The following DNM3 variants were observed in gnomAD, a reference collection of about 807,000 sequenced individuals.
DNM3 encodes the protein dynamin-3.
Under a neutral mutation model 101.6 loss-of-function variants are expected in DNM3, and 47 were observed. That is an observed-to-expected ratio of 0.46 (90% CI 0.37 to 0.59). The LOEUF is 0.59. DNM3 is among the 20% of genes least tolerant of loss of function. DNM3 has a pLI of 0.00. For missense variants in DNM3, 849 were observed against 1,085.7 expected, an observed-to-expected ratio of 0.78 and a Z score of 3.06; for synonymous variants, 385 against 387.9, an observed-to-expected ratio of 0.99 and a Z score of 0.09.
chr1:172,066,639 G>T (rs2051691118), intron 10 of DNM3, among the ~76,000 whole-genome samples: 1 of 152,168 alleles, frequency 6.6e-6, no homozygotes. Context: ...TTGGAGGAAA[G>T]AAATATCCAA....
At chr1:172,244,620 G>C (rs2061878998) in intron 14 of DNM3, among the ~76,000 whole-genome samples, 1 of 152,134 alleles carries the variant, frequency 6.6e-6, no homozygotes, top group South Asian at 2.1e-4. Flanking sequence ...ATCATCACTG[G>C]CCATCAGAGA....
At chr1:172,091,758 A>G (rs1355056447) in intron 12 of DNM3, among the ~76,000 whole-genome samples, 1 of 152,158 alleles carries the variant, frequency 6.6e-6, no homozygotes, top group Admixed American at 6.5e-5. Context: ...CGAGCAGAAG[A>G]GTTAACATAG....
chr1:171,982,662 T>TTG (rs3051606), intron 2 of DNM3, among the ~76,000 whole-genome samples: 107,095 of 148,768 alleles, frequency 0.72, 38,690 homozygotes, highest in Middle Eastern at 0.84. Flanking sequence ...ATGTGTGTGT[T>TTG]TGTGTGTGTG....
At chr1:172,231,883 A>G (rs1407362610) in intron 14 of DNM3, among the ~76,000 whole-genome samples, 2 of 152,190 alleles carry the variant, frequency 1.3e-5, no homozygotes, top group Non-Finnish European at 2.9e-5. Flanking sequence ...CGAGAAGAGA[A>G]GTTTAGAGAA....
chr1:172,141,924 T>C (rs1214425928), intron 14 of DNM3, among the ~76,000 whole-genome samples: 1 of 152,062 alleles, frequency 6.6e-6, no homozygotes, highest in Non-Finnish European at 1.5e-5. Context: ...CCTTTTCCAG[T>C]TAAGAAATTG....
intron 17 of DNM3, among the ~76,000 whole-genome samples, chr1:172,365,365 G>T (rs2067959253): frequency 6.6e-6 from 1 of 151,768 alleles, no homozygotes; most frequent in South Asian, 2.1e-4. Flanking sequence ...AGATTAATTT[G>T]TACTATTCTT....
chr1:171,940,034 T>G (rs1045025994), intron 2 of DNM3, among the ~76,000 whole-genome samples: 36 of 152,184 alleles, frequency 2.4e-4, no homozygotes, highest in Admixed American at 6.5e-5. Flanking sequence ...GGACAGGTTA[T>G]TTCATTTATT....
chr1:171,861,603 G>T (rs1341701485), intron 1 of DNM3, among the ~76,000 whole-genome samples: 1 of 152,070 alleles, frequency 6.6e-6, no homozygotes, highest in Non-Finnish European at 1.5e-5. Context: ...ATGGATCAAA[G>T]ACCTAAATGT....
At chr1:172,242,811 G>A (rs1557871280) in intron 14 of DNM3, among the ~76,000 whole-genome samples, 1 of 152,096 alleles carries the variant, frequency 6.6e-6, no homozygotes, top group Non-Finnish European at 1.5e-5. Context: ...CCATACCCAC[G>A]CATGTGGGTA....
intron 10 of DNM3, among the ~76,000 whole-genome samples, chr1:172,062,178 G>GT (rs1173812673): frequency 1.3e-5 from 2 of 152,050 alleles, no homozygotes; most frequent in South Asian, 2.1e-4. Context: ...CTGTTGTGAA[G>GT]TTTTTTTCCA....
intron 15 of DNM3, among the ~76,000 whole-genome samples, chr1:172,307,163 AC>A (rs2064860470): frequency 6.6e-6 from 1 of 152,238 alleles, no homozygotes; most frequent in Non-Finnish European, 1.5e-5. Flanking sequence ...TCTACAAAGA[AC>A]TTAAACAAAT....
chr1:172,139,091 G>T (rs1298912990), intron 14 of DNM3: 9 of 341,360 alleles, frequency 2.6e-5, no homozygotes, highest in Non-Finnish European at 5.2e-5. Flanking sequence ...TTATACATTT[G>T]TTCCAAATGT....
At chr1:172,333,868 T>C (rs1309656332) in intron 17 of DNM3, among the ~76,000 whole-genome samples, 1 of 152,154 alleles carries the variant, frequency 6.6e-6, no homozygotes, top group Non-Finnish European at 1.5e-5. Context: ...CAACATAAAA[T>C]ATTATTGACT....
intron 12 of DNM3, among the ~76,000 whole-genome samples, chr1:172,092,000 G>A (rs2053942041): frequency 6.6e-6 from 1 of 152,158 alleles, no homozygotes; most frequent in Non-Finnish European, 1.5e-5. Flanking sequence ...GAGAGAAAGA[G>A]GAGACAAAGA....
chr1:171,917,368 A>G (rs1021172156), intron 1 of DNM3, among the ~76,000 whole-genome samples: 3 of 152,176 alleles, frequency 2.0e-5, no homozygotes, highest in African/African-American at 4.8e-5. Flanking sequence ...TGGAGCAATA[A>G]CTATATTTCC....
At chr1:172,012,314 A>G (rs2047183001) in intron 4 of DNM3, among the ~76,000 whole-genome samples, 1 of 152,038 alleles carries the variant, frequency 6.6e-6, no homozygotes, top group South Asian at 2.1e-4. Flanking sequence ...CACATGTGGG[A>G]AGTTATATGG....
chr1:172,128,482 G>A (rs1215017920), intron 13 of DNM3, among the ~76,000 whole-genome samples: 3 of 152,144 alleles, frequency 2.0e-5, no homozygotes, highest in Non-Finnish European at 4.4e-5. Flanking sequence ...AGCTACATAT[G>A]TAATTAAAAA....
intron 10 of DNM3, among the ~76,000 whole-genome samples, chr1:172,056,122 G>A (rs2050592271): frequency 6.6e-6 from 1 of 152,194 alleles, no homozygotes; most frequent in Admixed American, 6.5e-5. Context: ...CCTGAATACT[G>A]TGCTTTTCCG....
chr1:172,318,280 A>G (rs2065496936), intron 16 of DNM3, among the ~76,000 whole-genome samples: 2 of 152,106 alleles, frequency 1.3e-5, no homozygotes, highest in Admixed American at 1.3e-4. Flanking sequence ...AGCCAATATC[A>G]TACTGAATGG....
Sources: gnomAD v4.1 joint callset for allele counts (sites outside exome capture counted in the v4.1 genomes callset) on GRCh38, gnomAD v4.1.1 for gene constraint, MANE v1.5 for transcripts, NCBI Gene and HGNC (gene_info 2026-07-23, HGNC 2026-07-21) for gene names.